The following THADA variants were observed in gnomAD, a reference collection of about 807,000 sequenced individuals.
The protein encoded by THADA is THADA armadillo repeat containing, also known as tRNA (32-2'-O)-methyltransferase regulator THADA.
A neutral mutation model predicts 219.8 loss-of-function variants in THADA; 213 were observed. The ratio of observed to expected loss-of-function variants is 0.97; its 90% CI spans 0.87 to 1.09. The LOEUF (loss-of-function observed/expected upper bound fraction) is 1.09. Among genes scored for constraint, THADA ranks in the 50% least tolerant of loss-of-function variants. The pLI is 0.00. For synonymous variants in THADA, 1,018 were observed against 828.9 expected, an observed-to-expected ratio of 1.23 and a Z score of -3.92; for missense variants, 2,956 against 2,311.3, an observed-to-expected ratio of 1.28 and a Z score of -5.72.
chr2:43,389,543 A>ACC (rs1469060861), intron 29 of THADA, among the ~76,000 whole-genome samples: 2 of 152,038 alleles, frequency 1.3e-5, no homozygotes, highest in African/African-American at 2.4e-5. Context: ...TGTCTTGCAA[A>ACC]CCCCACTTTG....
intron 22 of THADA, among the ~76,000 whole-genome samples, chr2:43,519,643 T>G (rs948078465): frequency 6.6e-6 from 1 of 152,214 alleles, no homozygotes; most frequent in African/African-American, 2.4e-5. Context: ...AACTGTGGCC[T>G]ACCATATCAT....
intron 22 of THADA, among the ~76,000 whole-genome samples, chr2:43,513,064 T>C (rs1372098073): frequency 2.0e-5 from 3 of 152,196 alleles, no homozygotes; most frequent in Non-Finnish European, 4.4e-5. Flanking sequence ...ACCTAGTAGC[T>C]GTACAATCCA....
At chr2:43,333,390 G>A (rs1041029687) in intron 30 of THADA, 5 of 151,722 alleles carry the variant, frequency 3.3e-5, no homozygotes, top group Non-Finnish European at 5.9e-5. Flanking sequence ...GATTAAAGAC[G>A]GGTCCTAATG....
Position 43,316,299 on chromosome 2 carries a change from A to T in THADA, c.4438+4147T>A, listed in dbSNP as rs77651050. ...CAGCATCTGAAAAATCCTTCATTGC[A>T]CCTACTTATAAGACCAAGGCATATT... On this transcript the variant is annotated intron_variant, in intron 31 of 37. Transcript: ENST00000405975. Among the ~76,000 whole-genome samples, 1,054 of 152,312 alleles carry T rather than the reference A, an allele frequency of 6.9e-3. 12 individuals carry two copies. Among genetic ancestry groups the T allele is most frequent in the African/African-American group, 0.023 (945 of 41,550 alleles).
At chr2:43,422,172 T>C (rs1034099189) in intron 28 of THADA, among the ~76,000 whole-genome samples, 4 of 152,238 alleles carry the variant, frequency 2.6e-5, no homozygotes, top group African/African-American at 9.6e-5. Flanking sequence ...GTTCTTTTCC[T>C]TGATAGAGAA....
intron 30 of THADA, among the ~76,000 whole-genome samples, chr2:43,320,866 TG>T (rs1360506068): frequency 1.3e-5 from 2 of 151,816 alleles, no homozygotes; most frequent in African/African-American, 4.8e-5. Context: ...ACAGAAGGGG[TG>T]GGGAGATGGT....
intron 29 of THADA, among the ~76,000 whole-genome samples, chr2:43,392,568 G>C (rs1033739109): frequency 2.0e-5 from 3 of 152,032 alleles, no homozygotes; most frequent in Admixed American, 6.6e-5. Context: ...TTCCCGTAAA[G>C]GTAATGCTAA....
At chr2:43,282,618 G>A (rs901126342) in intron 35 of THADA, among the ~76,000 whole-genome samples, 8 of 152,128 alleles carry the variant, frequency 5.3e-5, no homozygotes, top group African/African-American at 9.7e-5. Context: ...ATGTTAATAC[G>A]GGATTAAACA....
At position 43,556,897 on chromosome 2, in the gene THADA, A is replaced by G. The variant is rs1049075358; in HGVS notation, c.2464-342T>C. On this transcript the variant is annotated intron_variant, in intron 16 of 37. Transcript: ENST00000405975. ...CCTGGGCAACACGGTGAGACAAAAA[A>G]CTTACTCTACAAAAACTCTACGAAA... is the stretch of plus-strand genomic sequence containing the variant. Among the ~76,000 whole-genome samples, 12 of 152,174 alleles carry G rather than the reference A, an allele frequency of 7.9e-5. No homozygotes were observed. The East Asian group carries it at 2.3e-3, about 30-fold the overall frequency.
intron 24 of THADA, among the ~76,000 whole-genome samples, chr2:43,500,815 A>G (rs886780440): frequency 2.0e-5 from 3 of 152,306 alleles, no homozygotes; most frequent in African/African-American, 7.2e-5. Context: ...TATCCATAAA[A>G]CAAATCCAAA....
rs1192228691 is a variant in THADA at position 43,297,890 on chromosome 2, C to T, written c.4439-4677G>A. 2.7e-5 allele frequency among the ~76,000 whole-genome samples: 3 copies of T among 109,804 alleles called. No homozygotes were observed. In the East Asian group the frequency reaches 7.0e-4, roughly 26 times the overall value. 72.0% of individuals were successfully genotyped at this position (109,804 alleles called of 152,430 possible). ...GAGGTGAGGGGCGCCTCTGCCCGGC[C>T]GCCCCTACTGGGAAGTGAGGAGCCC... On this transcript the variant is annotated intron_variant, in intron 31 of 37. Transcript: ENST00000405975.
At chr2:43,469,617 G>C (rs1349053372) in intron 26 of THADA, among the ~76,000 whole-genome samples, 1 of 151,994 alleles carries the variant, frequency 6.6e-6, no homozygotes, top group African/African-American at 2.4e-5. Context: ...TAGTTTCATT[G>C]AATGTTTATA....
chr2:43,474,255 G>C (rs908193834), intron 26 of THADA, among the ~76,000 whole-genome samples: 1 of 152,148 alleles, frequency 6.6e-6, no homozygotes, highest in African/African-American at 2.4e-5. Flanking sequence ...TAAAGAGATG[G>C]GGGTTTAAAG....
At chr2:43,460,607 T>G (rs981068575) in intron 26 of THADA, among the ~76,000 whole-genome samples, 8 of 152,188 alleles carry the variant, frequency 5.3e-5, no homozygotes, top group Admixed American at 3.9e-4. Context: ...AACATTATGT[T>G]AAGTGCTCTG....
intron 29 of THADA, among the ~76,000 whole-genome samples, chr2:43,383,531 T>C (rs1672281334): frequency 6.6e-6 from 1 of 152,190 alleles, no homozygotes; most frequent in African/African-American, 2.4e-5. Context: ...GGTCCAACCA[T>C]CTAGCTACTA....
chr2:43,590,161 T>C (rs184146008), intron 4 of THADA, among the ~76,000 whole-genome samples: 14 of 152,294 alleles, frequency 9.2e-5, no homozygotes, highest in Admixed American at 9.2e-4. Flanking sequence ...TTTTGTATAG[T>C]TCTATATCAT....
chr2:43,438,299 C>CAA (rs56108896), intron 26 of THADA, among the ~76,000 whole-genome samples: 33,567 of 85,442 alleles, frequency 0.39, 6,174 homozygotes, highest in East Asian at 0.73. Context: ...GACTCCATCT[C>CAA]AAAAAAAAAA....
chr2:43,259,005 G>A (rs1268607134), intron 36 of THADA, among the ~76,000 whole-genome samples: 1 of 152,166 alleles, frequency 6.6e-6, no homozygotes, highest in East Asian at 1.9e-4. Context: ...TGAACCTTCT[G>A]GAGCACTAAG....
rs1035492787 is a variant in THADA at position 43,505,720 on chromosome 2, C to A, written c.3523G>T (p.Glu1175Ter). The A allele has an allele frequency of 1.2e-5, 19 of 1,581,774 alleles. No homozygotes were observed. The highest frequency in any genetic ancestry group is 1.6e-5 in the Non-Finnish European group (19 of 1,161,680). The change falls in exon 24 of 38, where the codon GAA becomes TAA. Residue 1175 changes from glutamate (E) to a stop codon, truncating the protein, a stop_gained. Coordinates refer to ENST00000405975, the MANE Select transcript of THADA (RefSeq NM_022065.5). LOFTEE classifies it high-confidence loss of function. ...AAATCCATTCTGCCTTTCTTTGGTT[C>A]AGATGCCAACAGTGCCTATGGAAAA... ...PFYIQALLAS[E>*]PKKGRMDLLK...
Sources: gnomAD v4.1 joint callset for allele counts (sites outside exome capture counted in the v4.1 genomes callset) on GRCh38, gnomAD v4.1.1 for gene constraint, MANE v1.5 for transcripts, NCBI Gene and HGNC (gene_info 2026-07-23, HGNC 2026-07-21) for gene names.